NOM1: variants seen among roughly 807,000 people sequenced by gnomAD.
NOM1 encodes nucleolar protein with MIF4G domain 1.
Under a neutral mutation model 73.3 loss-of-function variants are expected in NOM1, and 58 were observed. The observed-to-expected ratio is 0.79, with a 90% CI of 0.64 to 0.99. NOM1 has a LOEUF of 0.99. NOM1 is among the 50% of genes least tolerant of loss of function. The pLI, the probability that NOM1 is intolerant of heterozygous loss-of-function variation, is 0.00. For missense variants in NOM1, 1,226 were observed against 1,131.9 expected (o/e 1.08, Z -1.19); for synonymous variants, 487 against 446.8 (o/e 1.09, Z -1.14).
intron 2 of NOM1, among the ~76,000 whole-genome samples, chr7:156,953,387 G>C (rs56180474): frequency 0.8 from 121,225 of 151,756 alleles, 48,513 homozygotes; most frequent in Admixed American, 0.86. Flanking sequence ...CTCAGCCTCC[G>C]AAAGTGCTGG....
chr7:156,959,207 A>T (rs1463045700), intron 3 of NOM1, among the ~76,000 whole-genome samples: 3 of 151,662 alleles, frequency 2.0e-5, no homozygotes, highest in East Asian at 3.9e-4. Flanking sequence ...GGTTCAAGCG[A>T]TTCTCTTGCC....
chr7:156,956,452 A>G (rs1804729625), intron 3 of NOM1, among the ~76,000 whole-genome samples: 2 of 152,226 alleles, frequency 1.3e-5, no homozygotes, highest in Admixed American at 6.5e-5. Context: ...AAGGCTCATT[A>G]TTTATGTACA....
chr7:156,962,314 G>A (rs1169269012), intron 5 of NOM1, 53 bp downstream of exon 5: 3 of 1,394,982 alleles, frequency 2.2e-6, no homozygotes, highest in Non-Finnish European at 2.0e-6. Context: ...GTGTCGGCAT[G>A]AGCCTGTCAT....
chr7:156,966,805 C>G (rs1001633660), intron 8 of NOM1, among the ~76,000 whole-genome samples, 156 bp from the exon 9 acceptor site: 1 of 152,064 alleles, frequency 6.6e-6, no homozygotes, highest in African/African-American at 2.4e-5. Context: ...GGACTATGCT[C>G]TATAGGCAAG....
At chr7:156,953,457 G>A (rs776375092) in intron 2 of NOM1, among the ~76,000 whole-genome samples, 3 of 152,038 alleles carry the variant, frequency 2.0e-5, no homozygotes, top group Non-Finnish European at 4.4e-5. Context: ...ATGAAGATTC[G>A]AGTCACCACC....
intron 3 of NOM1, among the ~76,000 whole-genome samples, chr7:156,954,858 C>A (rs1016871379): frequency 6.6e-6 from 1 of 152,248 alleles, no homozygotes; most frequent in Non-Finnish European, 1.5e-5. Flanking sequence ...TTCTTCTCGA[C>A]TGACATCTCA....
In NOM1 at chr7:156,969,782, C is replaced by A; in HGVS notation, c.*79C>A. ...ACCCAAAGGCTTATTCTGTTGCCTG[C>A]GTGTGAATGTTTGGTAGAGCTATAT... On this transcript the variant is annotated 3_prime_UTR_variant, in exon 11 of 11. Transcript: ENST00000275820. 1 of 1,344,224 alleles carries A rather than the reference C, an allele frequency of 7.4e-7. No homozygotes were observed. Among genetic ancestry groups the A allele is most frequent in the Non-Finnish European group, 1.0e-6 (1 of 999,260 alleles). 83.3% of individuals were successfully genotyped at this position (1,344,224 alleles called of 1,614,324 possible).
intron 3 of NOM1, among the ~76,000 whole-genome samples, chr7:156,958,290 C>T (rs149212406): frequency 2.2e-3 from 340 of 152,322 alleles, no homozygotes; most frequent in Non-Finnish European, 3.9e-3. Context: ...TCACGTAGTT[C>T]CTGGTTACCC....
chr7:156,964,091 C>T (rs1804937964), intron 7 of NOM1, 65 bp downstream of exon 7: 5 of 1,557,248 alleles, frequency 3.2e-6, no homozygotes, highest in African/African-American at 1.4e-5. Context: ...AGTTGATTTG[C>T]TTTTTGAGTT....
rs2134789586 is a variant in NOM1, at chr7:156,962,532, T to C, written c.1743+271T>C. On this transcript the variant is annotated intron_variant, in intron 5 of 10. Coordinates refer to ENST00000275820, the MANE Select transcript of NOM1 (RefSeq NM_138400.2). ...CGGGTGCTAAACTTGGGCTGCACCATTGGATCATCCGATGCTTTCAGAGAA... is the reference window on the plus strand; with the variant it reads ...CGGGTGCTAAACTTGGGCTGCACCACTGGATCATCCGATGCTTTCAGAGAA... Among the ~76,000 whole-genome samples the C allele has an allele frequency of 1.3e-5, 2 of 152,330 alleles. 1 individual carries two copies. The highest frequency in any genetic ancestry group is 6.8e-3 in the Middle Eastern group (2 of 294).
rs1805072163 is a variant in NOM1, at chr7:156,968,877, C to T, written c.2299-210C>T. 10 of 502,722 alleles carry T rather than the reference C, an allele frequency of 2.0e-5. No homozygotes were observed. The East Asian group carries it at 3.5e-4, about 17-fold the overall frequency. The allele number at this position is 502,722 out of a possible 1,614,324, so 31.1% of individuals were successfully genotyped here. A position where few individuals can be genotyped will look rare whatever the true frequency, so the allele number is the denominator to read the frequency against. On this transcript the variant is annotated intron_variant, in intron 9 of 10. Transcript: ENST00000275820. ...GTTCTCAACGGTGGCTGTGGCCGGC[C>T]ACACCTCTGCCAGCAGTGTGTAGGA...
chr7:156,960,607 TG>T (rs1244971988), intron 4 of NOM1, among the ~76,000 whole-genome samples: 1 of 152,086 alleles, frequency 6.6e-6, no homozygotes, highest in East Asian at 1.9e-4. Context: ...GGAAGCCGTT[TG>T]GGGAAGAACC....
Position 156,949,932 on chromosome 7 carries a change from C to A in NOM1, c.195C>A (p.Cys65Ter), listed in dbSNP as rs753172204. 4.0e-5 allele frequency: 62 copies of A among 1,541,524 alleles called. No homozygotes were observed. The highest frequency in any genetic ancestry group is 5.1e-5 in the Non-Finnish European group (58 of 1,145,696). ...ATSEGEAPGG[C>*]EGRGAPVSFR... The stretch of plus-strand genomic sequence containing the variant: ...CGGAAGGCGAGGCTCCCGGGGGTTG[C>A]GAGGGGCGCGGCGCCCCGGTGAGCT... The change falls in exon 1 of 11, where the codon TGC (cysteine) becomes TGA (stop). Residue 65 changes from cysteine (C) to a stop codon, truncating the protein, a stop_gained. Transcript: ENST00000275820. LOFTEE classifies it high-confidence loss of function.
intron 2 of NOM1, among the ~76,000 whole-genome samples, chr7:156,953,509 G>C (rs1258301950): frequency 6.6e-6 from 1 of 151,894 alleles, no homozygotes; most frequent in Non-Finnish European, 1.5e-5. Flanking sequence ...CTCCCCTGCT[G>C]CCCCTCCATG....
At position 156,971,994 on chromosome 7, in the gene NOM1, G is replaced by A. The variant is rs966205375; in HGVS notation, c.*2291G>A. The A allele has an allele frequency of 6.6e-6, 1 of 152,232 alleles. No homozygotes were observed. The highest frequency in any genetic ancestry group is 2.4e-5 in the African/African-American group (1 of 41,456). 9.4% of individuals were successfully genotyped at this position (152,232 alleles called of 1,614,324 possible). On this transcript the variant is annotated 3_prime_UTR_variant, in exon 11 of 11. Coordinates refer to ENST00000275820, the MANE Select transcript of NOM1 (RefSeq NM_138400.2). ...TTTTTAACAAGAGTGTCTTTGCTGG[G>A]TGGTGATTGGGATGTAACAGATCAG...
At chr7:156,962,962 T>C (rs1804901374) in intron 5 of NOM1, 46 bp from the exon 6 acceptor site, 1 of 1,585,634 alleles carries the variant, frequency 6.3e-7, no homozygotes, top group East Asian at 2.3e-5. Context: ...AAGGACGGAA[T>C]ATGAACCAAT....
Position 156,949,928 on chromosome 7 carries a change from G to A in NOM1, c.191G>A (p.Gly64Asp), listed in dbSNP as rs1210089406. 1.9e-6 allele frequency: 3 copies of A among 1,542,360 alleles called. No individual in the cohort carries two copies. Among genetic ancestry groups the A allele is most frequent in the Non-Finnish European group, 1.7e-6 (2 of 1,145,818 alleles). The part of the protein sequence containing the change: ...HATSEGEAPG[G>D]CEGRGAPVSF... ...ACTTCGGAAGGCGAGGCTCCCGGGG[G>A]TTGCGAGGGGCGCGGCGCCCCGGTG... Residue 64 changes from glycine (G) to aspartate (D), a missense_variant, in exon 1 of 11, where the codon GGT (glycine) becomes GAT (aspartate). Coordinates refer to ENST00000275820, the MANE Select transcript of NOM1 (RefSeq NM_138400.2).
At chr7:156,967,194 T>A in intron 9 of NOM1, 102 bp downstream of exon 9, 1 of 1,361,018 alleles carries the variant, frequency 7.3e-7, no homozygotes. Flanking sequence ...TTTTCTTCGA[T>A]TCTGATTCAT....
chr7:156,963,216 C>G lies in NOM1; in HGVS notation c.1911+41C>G, dbSNP rs763007034. Reference sequence around the variant, plus strand: ...CTCAAGGCTGCCAGGCAGAGGCACCCCCCTGTGTGGTGTGTGGTCCTGGCT... The same window carrying G: ...CTCAAGGCTGCCAGGCAGAGGCACCGCCCTGTGTGGTGTGTGGTCCTGGCT... On this transcript the variant is annotated intron_variant, in intron 6 of 10. Transcript: ENST00000275820. The G allele has an allele frequency of 1.9e-6, 3 of 1,609,328 alleles. No homozygotes were observed. The African/African-American group carries it at 4.0e-5, about 21-fold the overall frequency.
Sources: gnomAD v4.1 joint callset for allele counts (sites outside exome capture counted in the v4.1 genomes callset) on GRCh38, gnomAD v4.1.1 for gene constraint, MANE v1.5 for transcripts, NCBI Gene and HGNC (gene_info 2026-07-23, HGNC 2026-07-21) for gene names.